The following NHSL2 variants were observed in gnomAD, a reference collection of about 807,000 sequenced individuals.
The protein encoded by NHSL2 is NHS like 2, also known as NHS-like protein 2.
NHSL2 carries 27 observed loss-of-function variants against 53.4 expected under a neutral mutation model. The ratio of observed to expected loss-of-function variants is 0.51; its 90% CI spans 0.37 to 0.70. The LOEUF is 0.70. Among genes scored for constraint, NHSL2 ranks in the 30% least tolerant of loss-of-function variants. NHSL2 has a pLI of 0.00. For missense variants in NHSL2, 892 were observed against 980.1 expected (o/e 0.91, Z 1.20); for synonymous variants, 408 against 404.1 (o/e 1.01, Z -0.12).
intron 1 of NHSL2, among the ~76,000 whole-genome samples, chrX:72,112,028 AT>A (rs753901880): frequency 1.3e-3 from 141 of 110,729 alleles, no homozygotes; most frequent in African/African-American, 4.4e-3. Flanking sequence ...AAGAGGTGAT[AT>A]TTGAGCAGAG....
Position 72,134,637 on chromosome X carries a change from C to T in NHSL2, c.693C>T (p.Ile231=). 2 of 1,167,097 alleles carry T rather than the reference C, an allele frequency of 1.7e-6. No individual in the cohort carries two copies. Among genetic ancestry groups the T allele is most frequent in the Non-Finnish European group, 2.3e-6 (2 of 871,870 alleles). The change falls in exon 4 of 8, where the codon ATC becomes ATT. Residue 231 remains isoleucine, a synonymous_variant. Coordinates refer to ENST00000633930, the MANE Select transcript of NHSL2 (RefSeq NM_001013627.3). ...GGAATAGCCTTTTCCCTCTGCCCATCCTAGAGGAGAAGCGGTGGCCTCAGC... is the reference window on the plus strand; with the variant it reads ...GGAATAGCCTTTTCCCTCTGCCCATTCTAGAGGAGAAGCGGTGGCCTCAGC... ...TAWNSLFPLP[I]LEEKRWPQLC...
chrX:72,130,415 TCTC>T (rs778540620), intron 1 of NHSL2: 382 of 1,192,969 alleles, frequency 3.2e-4, no homozygotes, highest in Non-Finnish European at 3.9e-4. Context: ...TCCTCCTCCT[TCTC>T]CTTCATCTCT....
At chrX:72,069,595 G>A (rs977281049) in intron 1 of NHSL2, 3 of 523,965 alleles carry the variant, frequency 5.7e-6, no homozygotes, top group African/African-American at 5.0e-5. Flanking sequence ...CACAGGCAGA[G>A]GAGGAGGAGG....
intron 1 of NHSL2, among the ~76,000 whole-genome samples, chrX:71,935,083 A>C (rs940893803): frequency 1.8e-5 from 2 of 111,973 alleles, no homozygotes; most frequent in Non-Finnish European, 1.9e-5. Flanking sequence ...ACTCACACAC[A>C]TCACATGTCA....
chrX:72,122,050 T>C (rs1602385073), intron 1 of NHSL2, among the ~76,000 whole-genome samples: 1 of 112,401 alleles, frequency 8.9e-6, no homozygotes. Context: ...CACAACTAGA[T>C]CACAAAATTT....
chrX:72,019,971 T>C (rs2042152368), intron 1 of NHSL2, among the ~76,000 whole-genome samples: 1 of 111,967 alleles, frequency 8.9e-6, no homozygotes, highest in African/African-American at 3.2e-5. Context: ...CCCTTCTCCA[T>C]CTGCTTCCTC....
intron 1 of NHSL2, among the ~76,000 whole-genome samples, chrX:72,081,940 C>T (rs1483308517): frequency 8.9e-6 from 1 of 111,980 alleles, no homozygotes; most frequent in Non-Finnish European, 1.9e-5. Flanking sequence ...AGCAGAGCCG[C>T]GACCTCGACA....
chrX:72,080,982 C>T (rs1602352196), intron 1 of NHSL2, among the ~76,000 whole-genome samples: 1 of 111,706 alleles, frequency 9.0e-6, no homozygotes, highest in South Asian at 3.7e-4. Flanking sequence ...GGGGAGGGGG[C>T]GCGTGATGCC....
chrX:71,957,106 A>G (rs1255356904), intron 1 of NHSL2, among the ~76,000 whole-genome samples: 1 of 112,121 alleles, frequency 8.9e-6, no homozygotes, highest in African/African-American at 3.2e-5. Context: ...CCAGGTACGG[A>G]CAAATGTTCA....
chrX:72,029,663 T>C (rs891133532), intron 1 of NHSL2, among the ~76,000 whole-genome samples: 3 of 113,170 alleles, frequency 2.7e-5, no homozygotes, highest in Non-Finnish European at 5.6e-5. Context: ...TGCTGGGCTC[T>C]GGCTGCAAGC....
In NHSL2 at chrX:72,148,425, T is replaced by A. The variant is rs2042480406; in HGVS notation, c.*4851T>A. The A allele has an allele frequency of 1.8e-5, 2 of 111,461 alleles. No homozygotes were observed. Among genetic ancestry groups the A allele is most frequent in the African/African-American group, 6.5e-5 (2 of 30,597 alleles). 9.2% of individuals were successfully genotyped at this position (111,461 alleles called of 1,213,427 possible). A position where few individuals can be genotyped will look rare whatever the true frequency, so the allele number is the denominator to read the frequency against. On this transcript the variant is annotated 3_prime_UTR_variant, in exon 8 of 8. Transcript: ENST00000633930. Reference sequence around the variant, plus strand: ...AGCTTGGTGTGAAAATGAGACTATATCTATACCACAGCCCCCAATCCTTTC... The same window carrying A: ...AGCTTGGTGTGAAAATGAGACTATAACTATACCACAGCCCCCAATCCTTTC...
chrX:72,093,724 T>TGC (rs764042562), intron 1 of NHSL2, among the ~76,000 whole-genome samples: 8,200 of 58,236 alleles, frequency 0.14, 363 homozygotes, highest in African/African-American at 0.19. Context: ...CTTGCTTGCT[T>TGC]TCTTTCTTTC....
At chrX:71,916,977 G>C (rs910533193) in intron 1 of NHSL2, among the ~76,000 whole-genome samples, 1 of 111,520 alleles carries the variant, frequency 9.0e-6, no homozygotes, top group African/African-American at 3.3e-5. Flanking sequence ...TGGCCTTCCT[G>C]GTTCAAGCTA....
chrX:72,069,864 C>A, intron 1 of NHSL2: 1 of 331,972 alleles, frequency 3.0e-6, no homozygotes, highest in Non-Finnish European at 4.9e-6. Flanking sequence ...TGGCAGGGGG[C>A]AGGGAGAGAA....
At chrX:71,951,059 G>GA (rs767635894) in intron 1 of NHSL2, among the ~76,000 whole-genome samples, 100 of 93,994 alleles carry the variant, frequency 1.1e-3, no homozygotes, top group Non-Finnish European at 1.8e-3. Flanking sequence ...GCATCATGTT[G>GA]AAAAAAAATA....
intron 1 of NHSL2, among the ~76,000 whole-genome samples, chrX:71,963,869 G>A (rs1255471003): frequency 9.9e-6 from 1 of 101,228 alleles, no homozygotes; most frequent in Non-Finnish European, 2.0e-5. Flanking sequence ...GCTGCAGTGA[G>A]CCATGATCAT....
chrX:72,065,125 G>C (rs1000884139), intron 1 of NHSL2, among the ~76,000 whole-genome samples: 10 of 111,823 alleles, frequency 8.9e-5, no homozygotes, highest in Admixed American at 4.7e-4. Context: ...TTGGGTTGGT[G>C]GGGGAACAAG....
At chrX:72,040,425 G>A (rs1428167190) in intron 1 of NHSL2, among the ~76,000 whole-genome samples, 3 of 112,333 alleles carry the variant, frequency 2.7e-5, no homozygotes, top group African/African-American at 9.7e-5. Context: ...TTCACACTCT[G>A]TAATGAAGTA....
At chrX:71,967,778 C>T (rs2041907455) in intron 1 of NHSL2, among the ~76,000 whole-genome samples, 1 of 111,471 alleles carries the variant, frequency 9.0e-6, no homozygotes, top group Non-Finnish European at 1.9e-5. Flanking sequence ...GGTTTTCCTA[C>T]TCCAGTACTG....
Sources: allele counts gnomAD v4.1 joint callset (sites outside exome capture counted in the v4.1 genomes callset), GRCh38; gene constraint gnomAD v4.1.1; transcripts MANE v1.5; gene names NCBI Gene and HGNC (gene_info 2026-07-23, HGNC 2026-07-21).